LTA: variants seen among roughly 807,000 people sequenced by gnomAD.
LTA encodes the protein lymphotoxin-alpha.
In LTA, 6 loss-of-function variants were observed where a neutral mutation model predicts 15.1. The observed-to-expected ratio is 0.40, with a 90% confidence interval of 0.22 to 0.78. The LOEUF (loss-of-function observed/expected upper bound fraction) is 0.78. Ranked by LOEUF, LTA falls within the 30% of genes least tolerant of loss-of-function variation. LTA has a pLI of 0.38. For missense variants in LTA, 173 were observed against 249.5 expected (o/e 0.69, Z 2.06); for synonymous variants, 87 against 107.3 (o/e 0.81, Z 1.17).
At chr6:31,568,570 C>T (rs901257600), upstream of LTA, among the ~76,000 whole-genome samples, 5 of 152,138 alleles carry the variant, frequency 3.3e-5, no homozygotes, top group East Asian at 9.6e-4. The surrounding 1 kb of genome is among the most constrained non-coding windows in gnomAD (Gnocchi z 4.1). Context: ...AAGTTTGAAG[C>T]TAATGTCATT....
In LTA at chr6:31,573,435, C is replaced by T; in HGVS notation, c.360C>T (p.Tyr120=). 6.2e-7 allele frequency: 1 copy of T among 1,614,136 alleles called. No individual in the cohort carries two copies. The highest frequency in any genetic ancestry group is 1.1e-5 in the South Asian group (1 of 91,084). ...AGGTGGTCTTCTCTGGGAAAGCCTA[C>T]TCTCCCAAGGCCACCTCCTCCCCAC... ...YSQVVFSGKA[Y]SPKATSSPLY... Residue 120 remains tyrosine (Y), a synonymous_variant, in exon 4 of 4, where the codon TAC becomes TAT. Transcript: ENST00000418386.
chr6:31,569,257 C>T (rs1770716891), upstream of LTA, among the ~76,000 whole-genome samples: 1 of 152,176 alleles, frequency 6.6e-6, no homozygotes, highest in African/African-American at 2.4e-5. Context: ...GATCTGCTCG[C>T]CTCAGCCTCC....
chr6:31,563,154 T>C, the LTA span, among the ~76,000 whole-genome samples: 1 of 151,328 alleles, frequency 6.6e-6, no homozygotes, highest in African/African-American at 2.4e-5. Flanking sequence ...AGCAAGCCTA[T>C]CCCAAAAACA....
chr6:31,571,233 G>A (rs3093540), upstream of LTA, among the ~76,000 whole-genome samples: 9,734 of 151,904 alleles, frequency 0.064, 406 homozygotes, highest in Middle Eastern at 0.13. Context: ...GCTAATTTTT[G>A]TATTTATTAT....
chr6:31,561,542 C>A, the LTA span, among the ~76,000 whole-genome samples: 1 of 151,928 alleles, frequency 6.6e-6, no homozygotes, highest in Non-Finnish European at 1.5e-5. Context: ...AATATAAAAA[C>A]TAGCTGGGTG....
At chr6:31,564,967 G>A in the LTA span, among the ~76,000 whole-genome samples, 16 of 152,126 alleles carry the variant, frequency 1.1e-4, no homozygotes, top group African/African-American at 3.6e-4. Flanking sequence ...GAAAGACTGA[G>A]CTAGTTATAC....
At chr6:31,568,418 G>T (rs1433659917), upstream of LTA, among the ~76,000 whole-genome samples, 1 of 152,092 alleles carries the variant, frequency 6.6e-6, no homozygotes, top group African/African-American at 2.4e-5. This position sits in a 1 kb window ranked among gnomAD's most constrained non-coding sequence, Gnocchi z 4.1. Context: ...TTTATTTAGG[G>T]GGTTATTAAT....
upstream of LTA, among the ~76,000 whole-genome samples, chr6:31,567,594 A>C (rs1583032580): frequency 1.2e-4 from 9 of 76,950 alleles, no homozygotes; most frequent in Admixed American, 3.6e-4. Context: ...ACCTCTGCTC[A>C]CCTCCCTCTT....
chr6:31,573,013 A>G lies in LTA; in HGVS notation c.185A>G (p.Lys62Arg). Reference protein sequence around the residue: ...PKMHLAHSTLKPAAHLIGDPS... With the variant: ...PKMHLAHSTLRPAAHLIGDPS... Reference sequence around the variant, plus strand: ...ATGCATCTTGCCCACAGCACCCTCAAACCTGCTGCTCACCTCATTGGTAAA... The same window carrying G: ...ATGCATCTTGCCCACAGCACCCTCAGACCTGCTGCTCACCTCATTGGTAAA... The change falls in exon 3 of 4, where the codon AAA (lysine) becomes AGA (arginine). Residue 62 changes from lysine to arginine, a missense_variant. Coordinates refer to ENST00000418386, the MANE Select transcript of LTA (RefSeq NM_000595.4). 1 of 1,611,794 alleles carries G rather than the reference A, an allele frequency of 6.2e-7. No homozygotes were observed. Among genetic ancestry groups the G allele is most frequent in the Non-Finnish European group, 8.5e-7 (1 of 1,179,570 alleles).
the LTA span, among the ~76,000 whole-genome samples, chr6:31,561,659 C>G: frequency 6.6e-6 from 1 of 151,850 alleles, no homozygotes; most frequent in Non-Finnish European, 1.5e-5. Flanking sequence ...CCTCTGCTCT[C>G]CAGTCTGGGT....
At chr6:31,561,868 C>A in the LTA span, among the ~76,000 whole-genome samples, 1 of 151,816 alleles carries the variant, frequency 6.6e-6, no homozygotes, top group East Asian at 1.9e-4. Flanking sequence ...ATAAAGTGCT[C>A]AATGAAGGTT....
At chr6:31,561,109 A>G in the LTA span, among the ~76,000 whole-genome samples, 1 of 152,214 alleles carries the variant, frequency 6.6e-6, no homozygotes, top group Non-Finnish European at 1.5e-5. Flanking sequence ...CTGACAAGTC[A>G]GAAAATGCAG....
At chr6:31,560,957 A>G in the LTA span, among the ~76,000 whole-genome samples, 1 of 152,180 alleles carries the variant, frequency 6.6e-6, no homozygotes, top group Non-Finnish European at 1.5e-5. Flanking sequence ...AGATGATTAC[A>G]GAAAGAGGGG....
Position 31,573,730 on chromosome 6 carries a change from T to C in LTA, c.*37T>C. 6.2e-7 allele frequency: 1 copy of C among 1,610,044 alleles called. No homozygotes were observed. The highest frequency in any genetic ancestry group is 8.5e-7 in the Non-Finnish European group (1 of 1,177,548). ...ATCCAGAAAGAAAAAATAATTGATT[T>C]CAAGACCTTCTCCCCATTCTGCCTC... On this transcript the variant is annotated 3_prime_UTR_variant, in exon 4 of 4. Transcript: ENST00000418386.
At chr6:31,570,860 T>A (rs1243947793), upstream of LTA, among the ~76,000 whole-genome samples, 1 of 152,068 alleles carries the variant, frequency 6.6e-6, no homozygotes, top group Non-Finnish European at 1.5e-5. Context: ...TAATCTATGG[T>A]GATAAAAGTG....
chr6:31,564,199 A>G, the LTA span, among the ~76,000 whole-genome samples: 1 of 152,228 alleles, frequency 6.6e-6, no homozygotes, highest in Non-Finnish European at 1.5e-5. Flanking sequence ...AAGAGGCTGT[A>G]AAACCAGTAG....
chr6:31,573,403 T>C lies in LTA; in HGVS notation c.328T>C (p.Tyr110His). The C allele has an allele frequency of 6.2e-7, 1 of 1,614,140 alleles. No individual in the cohort carries two copies. The highest frequency in any genetic ancestry group is 8.5e-7 in the Non-Finnish European group (1 of 1,180,012). ...LVPTSGIYFV[Y>H]SQVVFSGKAY... Reference sequence around the variant, plus strand: ...CCCCACCAGTGGCATCTACTTCGTCTACTCCCAGGTGGTCTTCTCTGGGAA... The same window carrying C: ...CCCCACCAGTGGCATCTACTTCGTCCACTCCCAGGTGGTCTTCTCTGGGAA... Residue 110 changes from tyrosine (Y) to histidine (H), a missense_variant, in exon 4 of 4, where the codon TAC becomes CAC. Transcript: ENST00000418386.
In LTA at chr6:31,573,573, G is replaced by A. The variant is rs766877367; in HGVS notation, c.498G>A (p.Ser166=). The A allele has an allele frequency of 1.7e-5, 27 of 1,614,118 alleles. No individual in the cohort carries two copies. Among genetic ancestry groups the A allele is most frequent in the South Asian group, 3.3e-5 (3 of 91,086 alleles). The change falls in exon 4 of 4, where the codon TCG becomes TCA. Residue 166 remains serine, a synonymous_variant. Coordinates refer to ENST00000418386, the MANE Select transcript of LTA (RefSeq NM_000595.4). ...GGCTGCAGGAACCCTGGCTGCACTC[G>A]ATGTACCACGGGGCTGCGTTCCAGC... ...YPGLQEPWLH[S]MYHGAAFQLT...
At chr6:31,573,073 C>T in intron 3 of LTA, 40 bp downstream of exon 3, 1 of 1,523,224 alleles carries the variant, frequency 6.6e-7, no homozygotes, top group Non-Finnish European at 9.1e-7. Flanking sequence ...TCCCCACCAG[C>T]TCTCCTCCTA....
Sources: gnomAD v4.1 joint callset for allele counts (sites outside exome capture counted in the v4.1 genomes callset) on GRCh38, gnomAD v4.1.1 for gene constraint, Gnocchi (gnomAD v3.1) non-coding constraint, MANE v1.5 for transcripts, NCBI Gene and HGNC (gene_info 2026-07-23, HGNC 2026-07-21) for gene names.